WDR72: variants seen among roughly 807,000 people sequenced by gnomAD.
WDR72 encodes the protein WD repeat domain 72.
Under a neutral mutation model 124.2 loss-of-function variants are expected in WDR72, and 120 were observed. The ratio of observed to expected loss-of-function variants is 0.97; its 90% CI spans 0.83 to 1.12. WDR72 has a LOEUF of 1.12. Among genes scored for constraint, WDR72 ranks in the 50% most tolerant of loss-of-function variants. The probability of loss-of-function intolerance (pLI) is 0.00; values close to 1 mark genes in which losing one functional copy is unlikely to be tolerated. For synonymous variants in WDR72, 452 were observed against 441.7 expected, an observed-to-expected ratio of 1.02 and a Z score of -0.29; for missense variants, 1,387 against 1,278.8, an observed-to-expected ratio of 1.08 and a Z score of -1.29.
At chr15:53,531,932 C>A (rs1892496338) in intron 18 of WDR72, among the ~76,000 whole-genome samples, 1 of 151,894 alleles carries the variant, frequency 6.6e-6, no homozygotes, top group African/African-American at 2.4e-5. Flanking sequence ...AATGTTAGAC[C>A]AATTAGATTA....
intron 16 of WDR72, among the ~76,000 whole-genome samples, chr15:53,611,616 A>G (rs1405655274): frequency 2.0e-5 from 3 of 152,116 alleles, no homozygotes; most frequent in Non-Finnish European, 1.5e-5. Flanking sequence ...GTAATCATAA[A>G]TGTGAGAAGT....
chr15:53,758,626 T>C (rs2018975971), intron 1 of WDR72, among the ~76,000 whole-genome samples: 1 of 151,774 alleles, frequency 6.6e-6, no homozygotes. Context: ...TTGTAAGTGG[T>C]GAGAGCTGAA....
chr15:53,714,326 A>G, intron 6 of WDR72, 108 bp downstream of exon 6: 4 of 891,780 alleles, frequency 4.5e-6, no homozygotes, highest in Non-Finnish European at 7.3e-6. Context: ...ATACACTTCT[A>G]TGTTATTTGA....
At chr15:53,665,512 A>T in intron 14 of WDR72, 60 bp downstream of exon 14, 1 of 1,588,480 alleles carries the variant, frequency 6.3e-7, no homozygotes. Flanking sequence ...TTATGAATGC[A>T]TATAACTTCT....
intron 14 of WDR72, among the ~76,000 whole-genome samples, chr15:53,628,532 C>CA (rs2014298767): frequency 6.6e-6 from 1 of 152,144 alleles, no homozygotes; most frequent in African/African-American, 2.4e-5. Flanking sequence ...TTCTGAGAAA[C>CA]AAGTCTACAA....
rs1893887284 is a variant in WDR72, at chr15:53,555,284, G to GCACTT, written c.3149-31967_3149-31963dup. Among the ~76,000 whole-genome samples the GCACTT allele has an allele frequency of 2.6e-5, 4 of 152,000 alleles. No individual in the cohort carries two copies. The South Asian group carries it at 8.3e-4, about 32-fold the overall frequency. On this transcript the variant is annotated intron_variant, in intron 18 of 19. Coordinates refer to ENST00000360509, the MANE Select transcript of WDR72 (RefSeq NM_182758.4). ...GTGCACCAACTCAGGAAGTGCACGTGCACTTCACGGAGGACAGAGGCAGGG... is the reference window on the plus strand; with the variant it reads ...GTGCACCAACTCAGGAAGTGCACGTGCACTTCACTTCACGGAGGACAGAGGCAGGG...
At chr15:53,560,037 G>A (rs1042910093) in intron 18 of WDR72, among the ~76,000 whole-genome samples, 4 of 151,910 alleles carry the variant, frequency 2.6e-5, no homozygotes, top group African/African-American at 4.8e-5. Flanking sequence ...GAAGCACATG[G>A]CACATTTATC....
rs1264766709 is a variant in WDR72 at position 53,613,777 on chromosome 15, C to T, written c.2781-20G>A. 6.8e-7 allele frequency: 1 copy of T among 1,478,502 alleles called. No individual in the cohort carries two copies. Among genetic ancestry groups the T allele is most frequent in the Admixed American group, 1.7e-5 (1 of 59,618 alleles). The allele number at this position is 1,478,502 out of a possible 1,614,324, so 91.6% of individuals were successfully genotyped here. ...AAAGAACTGTTAGAAAAAAGATTGA[C>T]AGCATATTACTAAAAAGCATGAAAA... On this transcript the variant is annotated intron_variant, in intron 15 of 19. Transcript: ENST00000360509.
At chr15:53,744,571 C>G (rs2018596042) in intron 1 of WDR72, among the ~76,000 whole-genome samples, 1 of 152,198 alleles carries the variant, frequency 6.6e-6, no homozygotes, top group South Asian at 2.1e-4. Context: ...TCCCAATCAC[C>G]TCCTAAACCA....
intron 14 of WDR72, among the ~76,000 whole-genome samples, chr15:53,632,117 C>A (rs1415236518): frequency 6.6e-6 from 1 of 151,994 alleles, no homozygotes; most frequent in Non-Finnish European, 1.5e-5. Context: ...TTCATGGCAA[C>A]CTCTCCTCAT....
chr15:53,732,306 T>G (rs1457502139), intron 2 of WDR72, among the ~76,000 whole-genome samples: 1 of 152,222 alleles, frequency 6.6e-6, no homozygotes, highest in East Asian at 1.9e-4. Flanking sequence ...AAAGGCTTCT[T>G]AATGAGGGCA....
At chr15:53,585,375 G>A (rs1326252899) in intron 18 of WDR72, among the ~76,000 whole-genome samples, 4 of 151,908 alleles carry the variant, frequency 2.6e-5, no homozygotes, top group Admixed American at 2.0e-4. Flanking sequence ...GAACAGCATG[G>A]AGGAAACCGC....
intron 18 of WDR72, among the ~76,000 whole-genome samples, chr15:53,587,221 A>G (rs1388150369): frequency 2.0e-5 from 3 of 152,072 alleles, no homozygotes; most frequent in Non-Finnish European, 4.4e-5. Flanking sequence ...AGTCCAGAAC[A>G]TAACTTTGTT....
intron 18 of WDR72, among the ~76,000 whole-genome samples, chr15:53,593,960 A>C (rs905662819): frequency 1.3e-5 from 2 of 152,064 alleles, no homozygotes; most frequent in Admixed American, 6.6e-5. Flanking sequence ...TTGTACTTTG[A>C]AATTTCACTT....
At chr15:53,732,431 T>C (rs984921664) in intron 2 of WDR72, among the ~76,000 whole-genome samples, 8 of 152,138 alleles carry the variant, frequency 5.3e-5, no homozygotes, top group African/African-American at 1.7e-4. Flanking sequence ...ACAGGGACAA[T>C]TAATTGCTAA....
intron 18 of WDR72, among the ~76,000 whole-genome samples, chr15:53,586,870 T>C (rs934517457): frequency 6.6e-6 from 1 of 152,072 alleles, no homozygotes; most frequent in Non-Finnish European, 1.5e-5. Context: ...CTTGAGTTAG[T>C]GTGACTTTCT....
chr15:53,706,436 T>C (rs1227214790), intron 9 of WDR72, among the ~76,000 whole-genome samples: 2 of 135,378 alleles, frequency 1.5e-5, no homozygotes, highest in Non-Finnish European at 3.1e-5. Context: ...TTCTACATAT[T>C]CAGTTAAATA....
At chr15:53,628,425 T>C (rs1474746626) in intron 14 of WDR72, among the ~76,000 whole-genome samples, 1 of 152,134 alleles carries the variant, frequency 6.6e-6, no homozygotes, top group African/African-American at 2.4e-5. Flanking sequence ...TTGACACCCA[T>C]GTATTGAATA....
chr15:53,733,324 T>C, intron 1 of WDR72, 163 bp from the exon 2 acceptor site: 1 of 721,890 alleles, frequency 1.4e-6, no homozygotes, highest in Admixed American at 2.3e-5. Flanking sequence ...AAAGTAGTCA[T>C]CAGAAACTGA....
Sources: gnomAD v4.1 joint callset for allele counts (sites outside exome capture counted in the v4.1 genomes callset) on GRCh38, gnomAD v4.1.1 for gene constraint, MANE v1.5 for transcripts, NCBI Gene and HGNC (gene_info 2026-07-23, HGNC 2026-07-21) for gene names.